Variants in NRG1 observed in about 807,000 individuals in gnomAD.
NRG1 encodes neuregulin 1.
NRG1 carries 18 observed loss-of-function variants against 63.8 expected under a neutral mutation model. The observed-to-expected ratio is 0.28, with a 90% CI of 0.19 to 0.42. The LOEUF is 0.42. Ranked by LOEUF, NRG1 falls within the 10% of genes least tolerant of loss-of-function variation. NRG1 has a pLI of 1.00. For missense variants in NRG1, 762 were observed against 814.7 expected, an observed-to-expected ratio of 0.94 and a Z score of 0.79; for synonymous variants, 302 against 301.3, an observed-to-expected ratio of 1.00 and a Z score of -0.02.
chr8:32,540,517 TC>T (rs915202733), intron 1 of NRG1, among the ~76,000 whole-genome samples: 5 of 152,190 alleles, frequency 3.3e-5, no homozygotes, highest in African/African-American at 1.2e-4. Flanking sequence ...ACTTTCTTCT[TC>T]CACCTACAAA....
At chr8:32,052,278 T>C (rs1586753736) in intron 1 of NRG1, among the ~76,000 whole-genome samples, 1 of 147,402 alleles carries the variant, frequency 6.8e-6, no homozygotes, top group Middle Eastern at 3.4e-3. Context: ...CCTGTTTTTT[T>C]TTTTTTTTTT....
At chr8:32,525,161 G>C (rs1179979041) in intron 1 of NRG1, among the ~76,000 whole-genome samples, 2 of 152,152 alleles carry the variant, frequency 1.3e-5, no homozygotes, top group Non-Finnish European at 2.9e-5. Context: ...CCCTCTCCTT[G>C]TGAAAGGTAG....
At chr8:32,037,989 G>A (rs1254627967) in intron 1 of NRG1, among the ~76,000 whole-genome samples, 1 of 152,188 alleles carries the variant, frequency 6.6e-6, no homozygotes, top group East Asian at 1.9e-4. Flanking sequence ...AGGAGTGGAC[G>A]GATCTCCTGC....
intron 5 of NRG1, among the ~76,000 whole-genome samples, chr8:32,725,979 TG>T (rs1387284625): frequency 6.6e-6 from 1 of 152,220 alleles, no homozygotes; most frequent in African/African-American, 2.4e-5. Context: ...AAAGTATAAC[TG>T]ATAATTGATG....
At chr8:31,761,155 A>T (rs1307397495) in intron 1 of NRG1, among the ~76,000 whole-genome samples, 1 of 152,166 alleles carries the variant, frequency 6.6e-6, no homozygotes, top group East Asian at 1.9e-4. Flanking sequence ...CTTTGTAGGG[A>T]CATGGATGAA....
At chr8:31,753,902 T>A (rs1039018298) in intron 1 of NRG1, among the ~76,000 whole-genome samples, 2 of 152,128 alleles carry the variant, frequency 1.3e-5, no homozygotes, top group African/African-American at 4.8e-5. Context: ...TGACCAGGTA[T>A]GAGCAGTGTG....
intron 1 of NRG1, among the ~76,000 whole-genome samples, chr8:32,201,991 A>T (rs942360973): frequency 2.0e-5 from 3 of 152,150 alleles, no homozygotes; most frequent in Non-Finnish European, 4.4e-5. Flanking sequence ...GTAAACTCTC[A>T]GATGTGAAAG....
At chr8:31,816,519 C>T (rs895321088) in intron 1 of NRG1, among the ~76,000 whole-genome samples, 4 of 152,208 alleles carry the variant, frequency 2.6e-5, no homozygotes, top group Admixed American at 6.5e-5. Context: ...ATTATTAATG[C>T]CTCGTGACCA....
chr8:32,146,889 A>G (rs1025939373), intron 1 of NRG1, among the ~76,000 whole-genome samples: 2 of 152,182 alleles, frequency 1.3e-5, no homozygotes, highest in African/African-American at 4.8e-5. Flanking sequence ...GCCTAAGGAA[A>G]GTAAAACACC....
At chr8:32,760,584 C>T in intron 11 of NRG1, 178 bp downstream of exon 11, 1 of 1,414,178 alleles carries the variant, frequency 7.1e-7, no homozygotes, top group Non-Finnish European at 9.2e-7. Context: ...CTTATTTCTT[C>T]TGAGCTTCTC....
intron 1 of NRG1, among the ~76,000 whole-genome samples, chr8:32,302,153 C>T (rs1305609148): frequency 3.3e-5 from 5 of 152,102 alleles, no homozygotes; most frequent in African/African-American, 4.8e-5. Flanking sequence ...CTTCCAGTTT[C>T]GTCATGTTAT....
intron 1 of NRG1, among the ~76,000 whole-genome samples, chr8:32,441,779 G>A (rs1359768061): frequency 6.6e-6 from 1 of 152,036 alleles, no homozygotes; most frequent in Non-Finnish European, 1.5e-5. Context: ...GAAATGTAAT[G>A]CTAACAGTAG....
At chr8:31,899,563 C>T (rs901839646) in intron 1 of NRG1, among the ~76,000 whole-genome samples, 4 of 152,100 alleles carry the variant, frequency 2.6e-5, no homozygotes, top group African/African-American at 2.4e-5. Flanking sequence ...ATTATCATTT[C>T]TTACTGGTCC....
intron 5 of NRG1, among the ~76,000 whole-genome samples, chr8:32,632,970 C>T (rs1850612897): frequency 6.6e-6 from 1 of 152,124 alleles, no homozygotes; most frequent in East Asian, 1.9e-4. Flanking sequence ...TATTAATTAA[C>T]CCAGGGTCTA....
At chr8:32,361,297 G>A (rs1039249121) in intron 1 of NRG1, among the ~76,000 whole-genome samples, 6 of 152,096 alleles carry the variant, frequency 3.9e-5, no homozygotes, top group African/African-American at 1.4e-4. Context: ...TTCTTTAGCA[G>A]AGGGGCCAAG....
downstream of NRG1, among the ~76,000 whole-genome samples, chr8:32,772,290 A>C (rs1408020096): frequency 1.3e-5 from 2 of 151,538 alleles, no homozygotes; most frequent in African/African-American, 4.8e-5. Flanking sequence ...GATTTAGCCT[A>C]TTTGGATTCA....
At chr8:32,405,740 A>G (rs1813876264) in intron 1 of NRG1, among the ~76,000 whole-genome samples, 1 of 152,210 alleles carries the variant, frequency 6.6e-6, no homozygotes, top group Non-Finnish European at 1.5e-5. Context: ...GTATTTTACC[A>G]TAATCTTCAT....
intron 5 of NRG1, among the ~76,000 whole-genome samples, chr8:32,637,427 T>C (rs1851542266): frequency 6.6e-6 from 1 of 152,180 alleles, no homozygotes; most frequent in South Asian, 2.1e-4. Context: ...TCATCATATT[T>C]CAGAGTATAA....
intron 1 of NRG1, among the ~76,000 whole-genome samples, chr8:31,844,974 G>A (rs1363051859): frequency 6.6e-6 from 1 of 152,076 alleles, no homozygotes; most frequent in Non-Finnish European, 1.5e-5. Context: ...GGATGTGGTG[G>A]CGGGTGCCTG....
Sources: gnomAD v4.1 joint callset for allele counts (sites outside exome capture counted in the v4.1 genomes callset) on GRCh38, gnomAD v4.1.1 for gene constraint, MANE v1.5 for transcripts, NCBI Gene and HGNC (gene_info 2026-07-23, HGNC 2026-07-21) for gene names.